Variants in LY86 observed in about 807,000 individuals in gnomAD.
LY86 encodes the protein lymphocyte antigen 86.
Under a neutral mutation model 17.3 loss-of-function variants are expected in LY86, and 20 were observed. That is an observed-to-expected ratio of 1.15 (90% CI 0.81 to 1.68). The LOEUF (loss-of-function observed/expected upper bound fraction) is 1.68. LY86 is among the 40% of genes most tolerant of loss of function. The pLI, the probability that LY86 is intolerant of heterozygous loss-of-function variation, is 0.00. For synonymous variants in LY86, 74 were observed against 70.6 expected (o/e 1.05, Z -0.24); for missense variants, 200 against 191.9 (o/e 1.04, Z -0.25).
At chr6:6,626,200 G>A (rs952976655) in intron 2 of LY86, 93 bp from the exon 3 acceptor site, 2 of 1,275,616 alleles carry the variant, frequency 1.6e-6, no homozygotes, top group East Asian at 2.4e-5. Context: ...GGAAACAAAA[G>A]GTTCTTTAGC....
chr6:6,598,562 C>A (rs1229924600), intron 1 of LY86, among the ~76,000 whole-genome samples: 1 of 152,108 alleles, frequency 6.6e-6, no homozygotes, highest in African/African-American at 2.4e-5. Flanking sequence ...GCTCTCTTTA[C>A]TTAAATTTTA....
Position 6,592,951 on chromosome 6 carries a change from G to A in LY86, c.136+4081G>A, listed in dbSNP as rs575546018. On this transcript the variant is annotated intron_variant, in intron 1 of 4. Coordinates refer to ENST00000230568, the MANE Select transcript of LY86 (RefSeq NM_004271.4). Reference sequence around the variant, plus strand: ...ATGTAACAGATAGAGCAGCATGAGAGGTAAGAGCTTAGAATCTGGAGTCAG... The same window carrying A: ...ATGTAACAGATAGAGCAGCATGAGAAGTAAGAGCTTAGAATCTGGAGTCAG... 6.9e-4 allele frequency among the ~76,000 whole-genome samples: 105 copies of A among 152,342 alleles called. No individual in the cohort carries two copies. The South Asian group carries it at 8.7e-3, about 13-fold the overall frequency.
In LY86 at chr6:6,607,443, T is replaced by C. The variant is rs143549514; in HGVS notation, c.137-17483T>C. ...GTGTTAAATTTTCAAAGGTAAGTAC[T>C]ACCTGACTAGAAATAAAGTATATGA... On this transcript the variant is annotated intron_variant, in intron 1 of 4. Transcript: ENST00000230568. Among the ~76,000 whole-genome samples the C allele has an allele frequency of 4.1e-3, 621 of 152,278 alleles. 3 individuals are homozygous for C. Among genetic ancestry groups the C allele is most frequent in the African/African-American group, 0.014 (570 of 41,560 alleles).
chr6:6,605,893 T>TA (rs139267324), intron 1 of LY86, among the ~76,000 whole-genome samples: 13,115 of 152,182 alleles, frequency 0.086, 1,580 homozygotes, highest in African/African-American at 0.27. Context: ...GGTGGGTTCT[T>TA]AGTCTCGCTG....
At chr6:6,612,174 G>A (rs556321443) in intron 1 of LY86, among the ~76,000 whole-genome samples, 8 of 145,786 alleles carry the variant, frequency 5.5e-5, no homozygotes, top group African/African-American at 1.0e-4. Flanking sequence ...GGGGGTTCTT[G>A]GTCTCACTGA....
intron 3 of LY86, among the ~76,000 whole-genome samples, chr6:6,635,811 G>A (rs1761951208): frequency 6.6e-6 from 1 of 152,164 alleles, no homozygotes; most frequent in Non-Finnish European, 1.5e-5. Flanking sequence ...AGCCATGGAG[G>A]GAGTGCTAGC....
chr6:6,626,538 G>T (rs902918790), intron 3 of LY86, 117 bp downstream of exon 3: 1 of 1,131,656 alleles, frequency 8.8e-7, no homozygotes, highest in South Asian at 1.5e-5. Flanking sequence ...GCCTTTGGAC[G>T]AGCTTATCCT....
chr6:6,609,838 A>C (rs1049889009), intron 1 of LY86, among the ~76,000 whole-genome samples: 1 of 150,340 alleles, frequency 6.7e-6, no homozygotes, highest in African/African-American at 2.5e-5. Flanking sequence ...TTGTGTGTCC[A>C]TTAAAATTTA....
At chr6:6,632,227 G>T (rs1761907608) in intron 3 of LY86, among the ~76,000 whole-genome samples, 1 of 152,212 alleles carries the variant, frequency 6.6e-6, no homozygotes, top group Non-Finnish European at 1.5e-5. Context: ...GGTCAGAGTG[G>T]CAGCTGGCAG....
chr6:6,603,600 A>AAAC (rs1554123592), intron 1 of LY86, among the ~76,000 whole-genome samples: 1 of 86,216 alleles, frequency 1.2e-5, no homozygotes, highest in Non-Finnish European at 2.5e-5. Context: ...ACAAAAACAG[A>AAAC]AACAGAAAAA....
chr6:6,602,208 C>A (rs1256342968), intron 1 of LY86, among the ~76,000 whole-genome samples: 3 of 152,230 alleles, frequency 2.0e-5, no homozygotes, highest in Admixed American at 6.5e-5. Context: ...TATGTATCCA[C>A]TTGTTCAGTT....
intron 3 of LY86, among the ~76,000 whole-genome samples, chr6:6,628,594 C>T (rs779950087): frequency 1.3e-5 from 2 of 152,080 alleles, no homozygotes; most frequent in Non-Finnish European, 2.9e-5. Flanking sequence ...CTAGCCCCAA[C>T]AGATGAAGTG....
intron 1 of LY86, among the ~76,000 whole-genome samples, chr6:6,609,191 C>G (rs35389213): frequency 0.094 from 14,369 of 152,204 alleles, 743 homozygotes; most frequent in South Asian, 0.16. Flanking sequence ...AAAGTACAAG[C>G]AAGTTCAGAT....
intron 1 of LY86, among the ~76,000 whole-genome samples, chr6:6,613,250 G>A (rs948941132): frequency 3.3e-5 from 5 of 152,270 alleles, no homozygotes; most frequent in African/African-American, 7.2e-5. Context: ...AGGTGGAGCT[G>A]CCTGCCAATC....
At chr6:6,601,292 C>G (rs111522969) in intron 1 of LY86, among the ~76,000 whole-genome samples, 174 of 152,262 alleles carry the variant, frequency 1.1e-3, no homozygotes, top group African/African-American at 3.9e-3. Context: ...CAGTTCCCTT[C>G]CTACTAAACC....
intron 3 of LY86, among the ~76,000 whole-genome samples, chr6:6,631,936 T>C (rs1486845434): frequency 6.6e-6 from 1 of 152,256 alleles, no homozygotes; most frequent in Admixed American, 6.5e-5. Flanking sequence ...TGGTGAAGTA[T>C]TATTCTTCTT....
chr6:6,646,574 G>T (rs1762111211), intron 3 of LY86, among the ~76,000 whole-genome samples: 1 of 152,034 alleles, frequency 6.6e-6, no homozygotes, highest in East Asian at 1.9e-4. Flanking sequence ...AAATCTAAAT[G>T]CCAAGCCCTC....
chr6:6,592,105 A>G (rs572856799), intron 1 of LY86, among the ~76,000 whole-genome samples: 3 of 152,318 alleles, frequency 2.0e-5, no homozygotes, highest in African/African-American at 7.2e-5. Context: ...AGGTGGAGCA[A>G]TAATTCAGGA....
intron 3 of LY86, among the ~76,000 whole-genome samples, chr6:6,631,077 C>A (rs1452601364): frequency 6.6e-6 from 1 of 151,766 alleles, no homozygotes; most frequent in African/African-American, 2.4e-5. Flanking sequence ...ATATGTGTGA[C>A]TCTCTTTAAT....
Sources: allele counts gnomAD v4.1 joint callset (sites outside exome capture counted in the v4.1 genomes callset), GRCh38; gene constraint gnomAD v4.1.1; transcripts MANE v1.5; gene names NCBI Gene and HGNC (gene_info 2026-07-23, HGNC 2026-07-21).